The following TNFSF15 variants were observed in gnomAD, a reference collection of about 807,000 sequenced individuals.
The protein encoded by TNFSF15 is TNF superfamily member 15, also known as tumor necrosis factor ligand superfamily member 15.
Under a neutral mutation model 26.4 loss-of-function variants are expected in TNFSF15, and 15 were observed. The ratio of observed to expected loss-of-function variants is 0.57; its 90% confidence interval spans 0.38 to 0.87. The LOEUF is 0.87. TNFSF15 is among the 40% of genes least tolerant of loss of function. The pLI is 0.00. For missense variants in TNFSF15, 290 were observed against 306.1 expected (o/e 0.95, Z 0.39); for synonymous variants, 116 against 115.0 (o/e 1.01, Z -0.06).
At chr9:114,799,082 T>A (rs1022354567) in intron 1 of TNFSF15, among the ~76,000 whole-genome samples, 4 of 152,220 alleles carry the variant, frequency 2.6e-5, no homozygotes, top group African/African-American at 4.8e-5. Flanking sequence ...TATTCTGAGG[T>A]CATTTCATTT....
chr9:114,799,833 T>G (rs999574969), intron 1 of TNFSF15, among the ~76,000 whole-genome samples: 1 of 152,196 alleles, frequency 6.6e-6, no homozygotes, highest in Non-Finnish European at 1.5e-5. Flanking sequence ...ACAGCCAGGC[T>G]TGCTTGCCCT....
chr9:114,799,816 G>A (rs1227019493), intron 1 of TNFSF15, among the ~76,000 whole-genome samples: 2 of 152,192 alleles, frequency 1.3e-5, no homozygotes, highest in Non-Finnish European at 2.9e-5. Context: ...CTGGATGTCT[G>A]AGATTCACAG....
chr9:114,793,704 T>A, intron 1 of TNFSF15, 136 bp from the exon 2 acceptor site: 1 of 773,920 alleles, frequency 1.3e-6, no homozygotes, highest in Non-Finnish European at 2.2e-6. Context: ...GAAATGAGAA[T>A]GAAAATATTT....
chr9:114,792,230 C>T (rs1469023230), intron 3 of TNFSF15, 177 bp downstream of exon 3: 1 of 66,034 alleles, frequency 1.5e-5, no homozygotes, highest in Non-Finnish European at 2.4e-5. Context: ...TGTGTACACA[C>T]ACACACACAC....
Position 114,784,928 on chromosome 9 carries a change from G to C in TNFSF15, c.*5524C>G, listed in dbSNP as rs1253642000. 1 of 152,130 alleles carries C rather than the reference G, an allele frequency of 6.6e-6. No homozygotes were observed. The highest frequency in any genetic ancestry group is 1.5e-5 in the Non-Finnish European group (1 of 68,038). 9.4% of individuals were successfully genotyped at this position (152,130 alleles called of 1,614,324 possible). A position where few individuals can be genotyped will look rare whatever the true frequency, so the allele number is the denominator to read the frequency against. On this transcript the variant is annotated 3_prime_UTR_variant, in exon 4 of 4. Coordinates refer to ENST00000374045, the MANE Select transcript of TNFSF15 (RefSeq NM_005118.4). ...TGTACACCCCTGAAACAAAAAAAGG[G>C]GAACATTACATGCTTTAATGACTTT...
In TNFSF15 at chr9:114,792,356, T is replaced by C. The variant is rs184214781; in HGVS notation, c.301+51A>G. On this transcript the variant is annotated intron_variant, in intron 3 of 3. Coordinates refer to ENST00000374045, the MANE Select transcript of TNFSF15 (RefSeq NM_005118.4). ...AATTTTGGTAAAGTGCTGAAAGAAA[T>C]CTCAGGATTCTGGCCCATGGTCTCC... The C allele has an allele frequency of 1.2e-4, 184 of 1,589,062 alleles. No individual in the cohort carries two copies. In the East Asian group the frequency reaches 2.8e-3, roughly 24 times the overall value.
At chr9:114,801,671 G>A (rs928854238) in intron 1 of TNFSF15, among the ~76,000 whole-genome samples, 1 of 152,184 alleles carries the variant, frequency 6.6e-6, no homozygotes. Flanking sequence ...GCCGAGGCCC[G>A]AAAGGGTTAG....
At chr9:114,805,261 T>C (rs1290773533) in intron 1 of TNFSF15, among the ~76,000 whole-genome samples, 1 of 152,198 alleles carries the variant, frequency 6.6e-6, no homozygotes, top group Non-Finnish European at 1.5e-5. Context: ...TATAGCATCA[T>C]GTTGTTGTGA....
chr9:114,790,575 G>A lies in TNFSF15; in HGVS notation c.633C>T (p.Pro211=). 1 of 1,614,012 alleles carries A rather than the reference G, an allele frequency of 6.2e-7. No individual in the cohort carries two copies. The highest frequency in any genetic ancestry group is 8.5e-7 in the Non-Finnish European group (1 of 1,180,012). ...VCEVGSNWFQ[P]IYLGAMFSLQ... is the part of the protein sequence containing the mutation. Reference sequence around the variant, plus strand: ...AGGAGAACATGGCTCCGAGGTAGATGGGCTGGAACCAGTTGCTACCTACTT... The same window carrying A: ...AGGAGAACATGGCTCCGAGGTAGATAGGCTGGAACCAGTTGCTACCTACTT... The change falls in exon 4 of 4, where the codon CCC becomes CCT. Residue 211 remains proline, a synonymous_variant. Transcript: ENST00000374045.
At chr9:114,802,918 G>T (rs1025846453) in intron 1 of TNFSF15, among the ~76,000 whole-genome samples, 2 of 152,170 alleles carry the variant, frequency 1.3e-5, no homozygotes, top group African/African-American at 4.8e-5. Flanking sequence ...CTAGAGGTAT[G>T]GGATTGGGCA....
chr9:114,802,019 A>G (rs1829755275), intron 1 of TNFSF15, among the ~76,000 whole-genome samples: 1 of 152,172 alleles, frequency 6.6e-6, no homozygotes, highest in African/African-American at 2.4e-5. Flanking sequence ...AATGTACCAC[A>G]TTATATATGC....
At chr9:114,794,333 A>G (rs1381611527) in intron 1 of TNFSF15, among the ~76,000 whole-genome samples, 3 of 152,246 alleles carry the variant, frequency 2.0e-5, no homozygotes, top group Non-Finnish European at 4.4e-5. Flanking sequence ...ACCATCACTC[A>G]CATACCTGAG....
intron 2 of TNFSF15, among the ~76,000 whole-genome samples, chr9:114,792,959 G>A (rs1829626039): frequency 6.6e-6 from 1 of 152,148 alleles, no homozygotes; most frequent in Non-Finnish European, 1.5e-5. Context: ...TTAGCTATAT[G>A]ACTTTGGTGA....
At chr9:114,796,627 T>C (rs1490296957) in intron 1 of TNFSF15, among the ~76,000 whole-genome samples, 1 of 152,214 alleles carries the variant, frequency 6.6e-6, no homozygotes, top group Non-Finnish European at 1.5e-5. Flanking sequence ...CTGCAGGTAC[T>C]AGCCAGGTGA....
intron 1 of TNFSF15, 49 bp from the exon 2 acceptor site, chr9:114,793,617 C>T (rs1269984567): frequency 6.4e-7 from 1 of 1,566,354 alleles, no homozygotes; most frequent in South Asian, 1.1e-5. Flanking sequence ...CCTTTTGATC[C>T]CAACACTTAC....
chr9:114,796,699 T>A (rs1189919843), intron 1 of TNFSF15, among the ~76,000 whole-genome samples: 1 of 152,202 alleles, frequency 6.6e-6, no homozygotes, highest in Non-Finnish European at 1.5e-5. Context: ...AATACCTCAA[T>A]ACCCTGCATC....
intron 1 of TNFSF15, among the ~76,000 whole-genome samples, chr9:114,794,998 A>G (rs1028053166): frequency 5.3e-5 from 8 of 152,136 alleles, no homozygotes; most frequent in African/African-American, 1.9e-4. Flanking sequence ...TTTAGGAACT[A>G]TATATTATAC....
chr9:114,796,240 G>C (rs961234744), intron 1 of TNFSF15, among the ~76,000 whole-genome samples: 3 of 152,126 alleles, frequency 2.0e-5, no homozygotes, highest in African/African-American at 7.2e-5. Flanking sequence ...CAGGGTCTTT[G>C]TACTTCAGTT....
intron 1 of TNFSF15, among the ~76,000 whole-genome samples, 177 bp from the exon 2 acceptor site, chr9:114,793,745 C>T (rs1054337627): frequency 6.6e-6 from 1 of 152,206 alleles, no homozygotes; most frequent in African/African-American, 2.4e-5. Flanking sequence ...TCTCAGCTCT[C>T]CACTTTCCTC....
Sources: gnomAD v4.1 joint callset for allele counts (sites outside exome capture counted in the v4.1 genomes callset) on GRCh38, gnomAD v4.1.1 for gene constraint, MANE v1.5 for transcripts, NCBI Gene and HGNC (gene_info 2026-07-23, HGNC 2026-07-21) for gene names.